Variants in KCNH5 observed in about 807,000 individuals in gnomAD.
KCNH5 encodes the protein potassium voltage-gated channel subfamily H member 5, also known as voltage-gated delayed rectifier potassium channel KCNH5.
KCNH5 carries 46 observed loss-of-function variants against 96.1 expected under a neutral mutation model. That is an observed-to-expected ratio of 0.48 (90% CI 0.38 to 0.61). KCNH5 has a LOEUF of 0.61. KCNH5 is among the 20% of genes least tolerant of loss of function. KCNH5 has a pLI of 0.00. For synonymous variants in KCNH5, 439 were observed against 449.8 expected (o/e 0.98, Z 0.30); for missense variants, 907 against 1,225.8 (o/e 0.74, Z 3.88).
chr14:62,932,248 A>G (rs1240041031), intron 7 of KCNH5, among the ~76,000 whole-genome samples: 1 of 152,084 alleles, frequency 6.6e-6, no homozygotes, highest in Non-Finnish European at 1.5e-5. Flanking sequence ...AGAAAACTAC[A>G]CATAAACTTT....
At chr14:62,877,139 A>G (rs1888390306) in intron 7 of KCNH5, among the ~76,000 whole-genome samples, 1 of 152,114 alleles carries the variant, frequency 6.6e-6, no homozygotes, top group South Asian at 2.1e-4. Flanking sequence ...CTGGCTAGCC[A>G]TATGTAGAAA....
Position 62,950,376 on chromosome 14 carries a change from T to C in KCNH5, c.1126A>G (p.Ile376Val), listed in dbSNP as rs1342332141. Residue 376 changes from isoleucine to valine, a missense_variant, in exon 7 of 11, where the codon ATT (isoleucine) becomes GTT (valine). Physicochemically the swap from Ile to Val is conservative, Grantham distance 29 (BLOSUM62 3). This residue lies in a region of KCNH5 where 370 missense variants were observed against 561.3 expected (regional missense o/e 0.66). Coordinates refer to ENST00000322893, the MANE Select transcript of KCNH5 (RefSeq NM_139318.5). ...TGGATGGTGTTAGTGACTTCATCAA[T>C]GACCTCGTAGTCTCCGATGCTATAC... ...IWYSIGDYEV[I>V]DEVTNTIQID... 15 of 1,613,946 alleles carry C rather than the reference T, an allele frequency of 9.3e-6. No homozygotes were observed. In the East Asian group the frequency reaches 3.1e-4, roughly 34 times the overall value.
At chr14:62,740,157 T>C (rs142456060) in intron 10 of KCNH5, among the ~76,000 whole-genome samples, 1,631 of 152,264 alleles carry the variant, frequency 0.011, 23 homozygotes, top group Non-Finnish European at 0.018. Context: ...AGACTCATTA[T>C]AGGAAGGAAT....
At chr14:62,869,080 T>C (rs1016216581) in intron 7 of KCNH5, among the ~76,000 whole-genome samples, 3 of 152,352 alleles carry the variant, frequency 2.0e-5, no homozygotes, top group Middle Eastern at 3.4e-3. Flanking sequence ...TCAAATGGTA[T>C]TTCTGGTTCC....
intron 7 of KCNH5, among the ~76,000 whole-genome samples, chr14:62,894,234 A>G (rs1268044809): frequency 6.6e-6 from 1 of 152,214 alleles, no homozygotes; most frequent in Non-Finnish European, 1.5e-5. Flanking sequence ...AATTGAACCT[A>G]TAATATCTCT....
intron 6 of KCNH5, among the ~76,000 whole-genome samples, chr14:62,978,047 C>A (rs893849319): frequency 5.9e-5 from 9 of 152,150 alleles, no homozygotes; most frequent in Non-Finnish European, 1.3e-4. Context: ...TGTGTGAGCC[C>A]AGCTTCAACA....
At chr14:62,782,481 A>G (rs917729995) in intron 9 of KCNH5, among the ~76,000 whole-genome samples, 4 of 152,190 alleles carry the variant, frequency 2.6e-5, no homozygotes, top group African/African-American at 9.7e-5. Flanking sequence ...TAACAACCTA[A>G]TAACCATTTA....
At chr14:62,793,194 C>A (rs970355353) in intron 9 of KCNH5, among the ~76,000 whole-genome samples, 1 of 151,640 alleles carries the variant, frequency 6.6e-6, no homozygotes, top group Non-Finnish European at 1.5e-5. Flanking sequence ...TTCAGTTATG[C>A]TAGATGAATT....
At chr14:62,942,595 G>A (rs928128949) in intron 7 of KCNH5, among the ~76,000 whole-genome samples, 4 of 152,118 alleles carry the variant, frequency 2.6e-5, no homozygotes, top group Admixed American at 6.6e-5. Flanking sequence ...GCACTTAACC[G>A]CCTACATGAA....
intron 7 of KCNH5, among the ~76,000 whole-genome samples, chr14:62,908,237 C>T (rs1889067916): frequency 6.6e-6 from 1 of 152,174 alleles, no homozygotes; most frequent in South Asian, 2.1e-4. Flanking sequence ...CTTCACAGGA[C>T]TACAGTGATC....
chr14:62,707,652 T>C lies in KCNH5; in HGVS notation c.2823A>G (p.Ile941Met). The change falls in exon 11 of 11, where the codon ATA becomes ATG. Residue 941 changes from isoleucine (I) to methionine (M), a missense_variant. Ile to Met is a conservative substitution (Grantham distance 10). This residue lies in a region of KCNH5 where 362 missense variants were observed against 394.4 expected (regional missense o/e 0.92). Transcript: ENST00000322893. ...LEKQVAEILK[I>M]LSEKSVPQAS... is the part of the protein sequence containing the mutation. ...CCTGGGGTACGCTTTTTTCCGACAG[T>C]ATTTTTAAAATTTCTGCCACCTGCT... 1 of 1,587,768 alleles carries C rather than the reference T, an allele frequency of 6.3e-7. No individual in the cohort carries two copies. Among genetic ancestry groups the C allele is most frequent in the Non-Finnish European group, 8.6e-7 (1 of 1,162,622 alleles).
intron 6 of KCNH5, among the ~76,000 whole-genome samples, chr14:62,967,431 T>A (rs1890325629): frequency 6.6e-6 from 1 of 151,910 alleles, no homozygotes; most frequent in Non-Finnish European, 1.5e-5. Flanking sequence ...AATGACATGT[T>A]CCCTTCATCA....
chr14:62,989,908 G>T (rs951751537), intron 4 of KCNH5, among the ~76,000 whole-genome samples: 12 of 151,996 alleles, frequency 7.9e-5, no homozygotes, highest in Non-Finnish European at 1.3e-4. Context: ...TTAGTCATAG[G>T]TATATTATAA....
At chr14:62,892,834 C>G (rs2140086476) in intron 7 of KCNH5, among the ~76,000 whole-genome samples, 1 of 152,216 alleles carries the variant, frequency 6.6e-6, no homozygotes, top group East Asian at 1.9e-4. Flanking sequence ...ATATTTTAAG[C>G]CTATTGTTGA....
At chr14:62,757,447 C>A (rs957201561) in intron 10 of KCNH5, among the ~76,000 whole-genome samples, 2 of 152,048 alleles carry the variant, frequency 1.3e-5, no homozygotes, top group African/African-American at 4.8e-5. Context: ...TGGGTATATA[C>A]CCAAAAGAAA....
intron 2 of KCNH5, among the ~76,000 whole-genome samples, chr14:63,014,544 A>G (rs1891288642): frequency 6.6e-6 from 1 of 152,172 alleles, no homozygotes; most frequent in Non-Finnish European, 1.5e-5. Flanking sequence ...CAAAGAAAAT[A>G]GGCCAGGGAT....
At chr14:62,716,515 C>T (rs1884688460) in intron 10 of KCNH5, among the ~76,000 whole-genome samples, 1 of 152,122 alleles carries the variant, frequency 6.6e-6, no homozygotes. Context: ...ACTTTGAGTT[C>T]GAGCATGTAT....
intron 6 of KCNH5, among the ~76,000 whole-genome samples, chr14:62,970,630 T>C (rs1890389126): frequency 6.6e-6 from 1 of 152,174 alleles, no homozygotes; most frequent in Admixed American, 6.5e-5. Context: ...AATCTAACAA[T>C]GTATTTTAAA....
rs774194913 is a variant in KCNH5 at position 62,707,955 on chromosome 14, C to T, written c.2520G>A (p.Leu840=). The T allele has an allele frequency of 3.1e-6, 5 of 1,614,198 alleles. No individual in the cohort carries two copies. The South Asian group carries it at 4.4e-5, about 14-fold the overall frequency. ...NVTKAESMGL[L]SEDPKSSDSE... The stretch of plus-strand genomic sequence containing the variant: ...AATCACTGCTCTTGGGGTCCTCAGA[C>T]AATAGCCCCATTGACTCAGCTTTAG... The change falls in exon 11 of 11, where the codon TTG becomes TTA. Residue 840 remains leucine, a synonymous_variant. Coordinates refer to ENST00000322893, the MANE Select transcript of KCNH5 (RefSeq NM_139318.5).
Sources: allele counts gnomAD v4.1 joint callset (sites outside exome capture counted in the v4.1 genomes callset), GRCh38; gene constraint gnomAD v4.1.1; regional missense constraint gnomAD v4.1.1; transcripts MANE v1.5; gene names NCBI Gene and HGNC (gene_info 2026-07-23, HGNC 2026-07-21).